INTS2: variants seen among roughly 807,000 people sequenced by gnomAD.
INTS2 encodes KIAA1287.
A neutral mutation model predicts 139.6 loss-of-function variants in INTS2; 57 were observed. The observed-to-expected ratio is 0.41, with a 90% confidence interval of 0.33 to 0.51. The LOEUF is 0.51. Among genes scored for constraint, INTS2 ranks in the 20% least tolerant of loss-of-function variants. INTS2 has a pLI of 0.28. For missense variants in INTS2, 1,196 were observed against 1,436.7 expected, an observed-to-expected ratio of 0.83 and a Z score of 2.71; for synonymous variants, 473 against 493.4, an observed-to-expected ratio of 0.96 and a Z score of 0.55.
At chr17:61,898,291 T>C (rs2079369779) in intron 9 of INTS2, among the ~76,000 whole-genome samples, 1 of 152,144 alleles carries the variant, frequency 6.6e-6, no homozygotes, top group Non-Finnish European at 1.5e-5. Flanking sequence ...GAAAAATGGC[T>C]ATAAAAATAC....
At chr17:61,915,519 C>CT (rs1362025315) in intron 5 of INTS2, among the ~76,000 whole-genome samples, 4 of 142,600 alleles carry the variant, frequency 2.8e-5, no homozygotes, top group Admixed American at 7.0e-5. Flanking sequence ...GAGTGAAACT[C>CT]TGTTTCAAAA....
chr17:61,872,195 TATTGAA>T lies in INTS2; in HGVS notation c.2778+64_2778+69del. On this transcript the variant is annotated intron_variant, in intron 20 of 24. Transcript: ENST00000251334. The surrounding 1 kb of genome is among the most constrained non-coding windows in gnomAD (Gnocchi z 4.8). Reference sequence around the variant, plus strand: ...TACATGGAGCGCACAATGTGCCATCTATTGAACTGATTATACTAGTAGAGAAGCCCT... The same window carrying T: ...TACATGGAGCGCACAATGTGCCATCTCTGATTATACTAGTAGAGAAGCCCT... 1.0e-6 allele frequency: 1 copy of T among 955,336 alleles called. No homozygotes were observed. The highest frequency in any genetic ancestry group is 1.6e-6 in the Non-Finnish European group (1 of 629,266). The allele number at this position is 955,336 out of a possible 1,614,324, so 59.2% of individuals were successfully genotyped here.
chr17:61,926,266 C>G, intron 2 of INTS2, 86 bp downstream of exon 2: 1 of 1,089,896 alleles, frequency 9.2e-7, no homozygotes, highest in Non-Finnish European at 1.3e-6. Flanking sequence ...GATTCTCATT[C>G]TCTCTTTTCT....
rs1036439255 is a variant in INTS2, at chr17:61,891,375, G to A, written c.1875+138C>T. On this transcript the variant is annotated intron_variant, in intron 14 of 24. Coordinates refer to ENST00000251334, the MANE Select transcript of INTS2 (RefSeq NM_001351695.2). Reference sequence around the variant, plus strand: ...TAATACCATTCTTTTAATTTTTAGAGGTGATCTAAGGAAATTTAATCTAAT... The same window carrying A: ...TAATACCATTCTTTTAATTTTTAGAAGTGATCTAAGGAAATTTAATCTAAT... 1.2e-5 allele frequency: 8 copies of A among 680,236 alleles called. No individual in the cohort carries two copies. The East Asian group carries it at 1.9e-4, about 17-fold the overall frequency. The allele number at this position is 680,236 out of a possible 1,614,324, so 42.1% of individuals were successfully genotyped here.
At chr17:61,898,595 C>CGT (rs1211318168) in intron 9 of INTS2, among the ~76,000 whole-genome samples, 1 of 151,910 alleles carries the variant, frequency 6.6e-6, no homozygotes, top group Non-Finnish European at 1.5e-5. Flanking sequence ...CATGCCTAGC[C>CGT]TAACAATGAC....
chr17:61,878,577 A>T (rs980626250), intron 17 of INTS2, among the ~76,000 whole-genome samples: 1 of 151,998 alleles, frequency 6.6e-6, no homozygotes, highest in Non-Finnish European at 1.5e-5. Flanking sequence ...AAAATAAAAA[A>T]ATAAGGGCCC....
At chr17:61,892,775 T>C (rs2079308282) in intron 13 of INTS2, among the ~76,000 whole-genome samples, 1 of 149,230 alleles carries the variant, frequency 6.7e-6, no homozygotes, top group Non-Finnish European at 1.5e-5. Flanking sequence ...TGAAACCCTG[T>C]CTCTACTAAA....
In INTS2 at chr17:61,876,220, C is replaced by T. The variant is rs2079125709; in HGVS notation, c.2457-1182G>A. ...TTAAAAAATGAACTAGAATTCCACA[C>T]TTAGGCTAAATATCAGTCACATATG... On this transcript the variant is annotated intron_variant, in intron 18 of 24. Transcript: ENST00000251334. This position sits in a 1 kb window ranked among gnomAD's most constrained non-coding sequence, Gnocchi z 4.1. 6.6e-6 allele frequency among the ~76,000 whole-genome samples: 1 copy of T among 152,066 alleles called. No homozygotes were observed. Among genetic ancestry groups the T allele is most frequent in the Non-Finnish European group, 1.5e-5 (1 of 68,004 alleles).
chr17:61,926,387 A>G lies in INTS2; in HGVS notation c.258T>C (p.Ala86=), dbSNP rs1476239826. ...GTTCTTTGCTGGCATCTTGTTCTAA[A>G]GCATGAAAGTCCACGGACAACAATG... ...IVALLSVDFH[A]LEQDASKEQQ... Residue 86 remains alanine, a synonymous_variant, in exon 2 of 25, where the codon GCT becomes GCC. Transcript: ENST00000251334. 2 of 1,608,620 alleles carry G rather than the reference A, an allele frequency of 1.2e-6. No individual in the cohort carries two copies. Among genetic ancestry groups the G allele is most frequent in the Non-Finnish European group, 1.7e-6 (2 of 1,175,658 alleles).
intron 15 of INTS2, among the ~76,000 whole-genome samples, chr17:61,888,371 A>G (rs1444058199): frequency 6.6e-6 from 1 of 152,152 alleles, no homozygotes; most frequent in African/African-American, 2.4e-5. Context: ...CTGTCTCAAA[A>G]AATAAATAGA....
rs1409908729 is a variant in INTS2, at chr17:61,893,434, G to A, written c.1698+331C>T. Among the ~76,000 whole-genome samples, 3 of 152,068 alleles carry A rather than the reference G, an allele frequency of 2.0e-5. No homozygotes were observed. The highest frequency in any genetic ancestry group is 2.0e-4 in the Admixed American group (3 of 15,266). On this transcript the variant is annotated intron_variant, in intron 13 of 24. Coordinates refer to ENST00000251334, the MANE Select transcript of INTS2 (RefSeq NM_001351695.2). The surrounding 1 kb of genome is among the most constrained non-coding windows in gnomAD (Gnocchi z 5.4). The stretch of plus-strand genomic sequence containing the variant: ...ATGTAGGCCAGGCACAGTGGCTCAC[G>A]CCTGTAATCCCAGCACTTTGGTCGG...
chr17:61,898,749 G>T (rs969418645), intron 9 of INTS2, among the ~76,000 whole-genome samples: 2 of 152,134 alleles, frequency 1.3e-5, no homozygotes, highest in Non-Finnish European at 2.9e-5. Flanking sequence ...GAATAGCTGG[G>T]ATTACAGGTG....
At position 61,869,422 on chromosome 17, in the gene INTS2, A is replaced by T. The variant is rs2079071628; in HGVS notation, c.3031-42T>A. ...CGGGAAAAAAGTCAGAAATAAAATA[A>T]CTATAAAAGTACAGATAAAAATACA... On this transcript the variant is annotated intron_variant, in intron 21 of 24. Transcript: ENST00000251334. The surrounding 1 kb of genome is among the most constrained non-coding windows in gnomAD (Gnocchi z 5.4). The T allele has an allele frequency of 1.6e-6, 2 of 1,280,730 alleles. No homozygotes were observed. Among genetic ancestry groups the T allele is most frequent in the Admixed American group, 4.3e-5 (2 of 46,888 alleles). The allele number at this position is 1,280,730 out of a possible 1,614,324, so 79.3% of individuals were successfully genotyped here.
intron 15 of INTS2, among the ~76,000 whole-genome samples, chr17:61,887,781 G>A (rs937195720): frequency 1.3e-5 from 2 of 151,676 alleles, no homozygotes; most frequent in Non-Finnish European, 2.9e-5. Flanking sequence ...GGCCGGGTGT[G>A]ATGGCTCACA....
Position 61,924,965 on chromosome 17 carries a change from T to G in INTS2, c.428A>C (p.Asn143Thr), listed in dbSNP as rs781406399. 6.2e-7 allele frequency: 1 copy of G among 1,611,984 alleles called. No individual in the cohort carries two copies. The highest frequency in any genetic ancestry group is 8.5e-7 in the Non-Finnish European group (1 of 1,178,986). ...LVLSELLAIMNKVSESNGEFF... is the reference protein window; with the variant it reads ...LVLSELLAIMTKVSESNGEFF... ...CTGTGGTTAAAAGAAATGCACCTTG[T>G]TCATAATTGCCAACAGTTCACTAAG... Residue 143 changes from asparagine (N) to threonine (T), a missense_variant, in exon 3 of 25, where the codon AAC (asparagine) becomes ACC (threonine). Physicochemically the swap from Asn to Thr is moderately conservative, Grantham distance 65 (BLOSUM62 0). Around this residue, in one of 3 missense-constraint regions of INTS2, gnomAD observed 1,129 missense variants for 1,341.9 expected, o/e 0.84. Transcript: ENST00000251334.
In INTS2 at chr17:61,872,080, A is replaced by G; in HGVS notation, c.2778+185T>C. 1 of 416,946 alleles carries G rather than the reference A, an allele frequency of 2.4e-6. No individual in the cohort carries two copies. 25.8% of individuals were successfully genotyped at this position (416,946 alleles called of 1,614,324 possible). A position where few individuals can be genotyped will look rare whatever the true frequency, so the allele number is the denominator to read the frequency against. On this transcript the variant is annotated intron_variant, in intron 20 of 24. Transcript: ENST00000251334. The surrounding 1 kb of genome is among the most constrained non-coding windows in gnomAD (Gnocchi z 4.8). ...TATCATGAAGATTATTCCTGATTTCAGAAATACAACATATCTGATACTCAG... is the reference window on the plus strand; with the variant it reads ...TATCATGAAGATTATTCCTGATTTCGGAAATACAACATATCTGATACTCAG...
chr17:61,909,286 T>A lies in INTS2; in HGVS notation c.955-1652A>T, dbSNP rs998904073. 3.9e-5 allele frequency among the ~76,000 whole-genome samples: 6 copies of A among 152,070 alleles called. No individual in the cohort carries two copies. Among genetic ancestry groups the A allele is most frequent in the African/African-American group, 9.7e-5 (4 of 41,422 alleles). On this transcript the variant is annotated intron_variant, in intron 7 of 24. Transcript: ENST00000251334. The surrounding 1 kb of genome is among the most constrained non-coding windows in gnomAD (Gnocchi z 4.9). The stretch of plus-strand genomic sequence containing the variant: ...ACATCACGCTCAGCTAATTTTTGTA[T>A]TTTTAGTAGAGACAGGGTTTCACCA...
At chr17:61,874,457 C>T (rs143462794) in intron 19 of INTS2, among the ~76,000 whole-genome samples, 58 of 152,276 alleles carry the variant, frequency 3.8e-4, no homozygotes, top group South Asian at 1.0e-3. Context: ...CACTTGAAAG[C>T]AATGCTGAAG....
chr17:61,911,351 C>A, intron 7 of INTS2, 169 bp downstream of exon 7: 1 of 477,890 alleles, frequency 2.1e-6, no homozygotes, highest in Non-Finnish European at 3.6e-6. Flanking sequence ...GCCACATAAA[C>A]AAAAGCTCTT....
Sources: allele counts gnomAD v4.1 joint callset (sites outside exome capture counted in the v4.1 genomes callset), GRCh38; gene constraint gnomAD v4.1.1; regional missense constraint gnomAD v4.1.1; non-coding constraint Gnocchi (gnomAD v3.1); transcripts MANE v1.5; gene names NCBI Gene and HGNC (gene_info 2026-07-23, HGNC 2026-07-21).